The following FREM2 variants were observed in gnomAD, a reference collection of about 807,000 sequenced individuals.
FREM2 encodes the protein FRAS1-related extracellular matrix protein 2.
In FREM2, 119 loss-of-function variants were observed where a neutral mutation model predicts 219.9. The ratio of observed to expected loss-of-function variants is 0.54; its 90% CI spans 0.47 to 0.63. The LOEUF (loss-of-function observed/expected upper bound fraction) is 0.63, where lower values mean the gene tolerates loss of function less well. Among genes scored for constraint, FREM2 ranks in the 30% least tolerant of loss-of-function variants. The pLI is 0.00. For synonymous variants in FREM2, 1,562 were observed against 1,522.8 expected (o/e 1.03, Z -0.60); for missense variants, 4,030 against 3,993.6 (o/e 1.01, Z -0.25).
At chr13:38,753,271 CAT>C (rs1872852148) in intron 2 of FREM2, among the ~76,000 whole-genome samples, 1 of 152,112 alleles carries the variant, frequency 6.6e-6, no homozygotes, top group Non-Finnish European at 1.5e-5. Context: ...TATGTATACA[CAT>C]ATAATTATAC....
chr13:38,739,746 C>T (rs557891793), intron 2 of FREM2, among the ~76,000 whole-genome samples: 10 of 152,308 alleles, frequency 6.6e-5, no homozygotes, highest in African/African-American at 2.2e-4. Flanking sequence ...AGAGATTCTA[C>T]ACGGTGGTTC....
chr13:38,710,485 A>G (rs561486837), intron 2 of FREM2, among the ~76,000 whole-genome samples: 7 of 152,290 alleles, frequency 4.6e-5, no homozygotes, highest in South Asian at 4.1e-4. Flanking sequence ...ACTTTCTGCT[A>G]ATCTGTTAAT....
chr13:38,779,225 C>CG (rs377217584), intron 4 of FREM2, among the ~76,000 whole-genome samples: 27 of 147,202 alleles, frequency 1.8e-4, no homozygotes, highest in African/African-American at 4.8e-4. Flanking sequence ...TGGGGCTTGT[C>CG]GGGGGGTGGA....
At chr13:38,835,360 A>G (rs1448175261) in intron 6 of FREM2, among the ~76,000 whole-genome samples, 2 of 152,164 alleles carry the variant, frequency 1.3e-5, no homozygotes, top group Admixed American at 6.6e-5. Flanking sequence ...GGCTTGTAGT[A>G]TAATTTGAAG....
At chr13:38,808,700 A>T (rs980402890) in intron 6 of FREM2, among the ~76,000 whole-genome samples, 1 of 151,944 alleles carries the variant, frequency 6.6e-6, no homozygotes, top group Non-Finnish European at 1.5e-5. Context: ...GCACCCCAAA[A>T]TAATTACAAT....
At chr13:38,708,994 A>G (rs1292858882) in intron 2 of FREM2, among the ~76,000 whole-genome samples, 1 of 152,116 alleles carries the variant, frequency 6.6e-6, no homozygotes, top group Admixed American at 6.6e-5. Context: ...TCCTGACCTC[A>G]GGTGATCCAC....
At chr13:38,735,044 C>A (rs1452973514) in intron 2 of FREM2, among the ~76,000 whole-genome samples, 1 of 152,170 alleles carries the variant, frequency 6.6e-6, no homozygotes, top group Non-Finnish European at 1.5e-5. Flanking sequence ...CTGCGCCCAG[C>A]CAGTGCTATA....
At chr13:38,810,021 G>T (rs746479821) in intron 6 of FREM2, among the ~76,000 whole-genome samples, 1 of 151,700 alleles carries the variant, frequency 6.6e-6, no homozygotes, top group South Asian at 2.1e-4. Context: ...TTATGGTTTT[G>T]TTGTAGAGCT....
chr13:38,827,131 C>A (rs1265468073), intron 6 of FREM2, among the ~76,000 whole-genome samples: 1 of 152,014 alleles, frequency 6.6e-6, no homozygotes, highest in Admixed American at 6.6e-5. Context: ...TTTTACAGTA[C>A]AGATTTTGTA....
At chr13:38,848,856 C>T (rs1424555601) in intron 8 of FREM2, among the ~76,000 whole-genome samples, 186 bp downstream of exon 8, 2 of 152,012 alleles carry the variant, frequency 1.3e-5, no homozygotes. Flanking sequence ...GGCTGGAAGT[C>T]CAAATTTAAG....
At chr13:38,781,715 T>TTG (rs1374433141) in intron 4 of FREM2, among the ~76,000 whole-genome samples, 13 of 152,124 alleles carry the variant, frequency 8.5e-5, no homozygotes, top group African/African-American at 3.1e-4. Context: ...TGAAAATGAG[T>TTG]AATTTAAAAA....
intron 2 of FREM2, among the ~76,000 whole-genome samples, chr13:38,711,487 T>C (rs1019465625): frequency 6.6e-6 from 1 of 152,234 alleles, no homozygotes; most frequent in Non-Finnish European, 1.5e-5. Flanking sequence ...TTTTTTACCA[T>C]ATTGTTTAAA....
Position 38,744,638 on chromosome 13 carries a change from C to T in FREM2, c.5264-19666C>T, listed in dbSNP as rs190145297. 5.0e-3 allele frequency among the ~76,000 whole-genome samples: 767 copies of T among 152,152 alleles called. 12 individuals carry two copies. The highest frequency in any genetic ancestry group is 0.018 in the African/African-American group (734 of 41,512). ...TCCCGAGTAGCTGGGATTACAGGTG[C>T]CCACCACCACGCCTGGCTAAGTTTT... On this transcript the variant is annotated intron_variant, in intron 2 of 23. Transcript: ENST00000280481.
intron 3 of FREM2, among the ~76,000 whole-genome samples, chr13:38,768,414 C>G (rs1334207392): frequency 6.6e-6 from 1 of 152,076 alleles, no homozygotes; most frequent in Admixed American, 6.6e-5. Flanking sequence ...GTAGCAAGGA[C>G]TACAGGCATG....
chr13:38,842,744 C>T (rs1229491746), intron 6 of FREM2, among the ~76,000 whole-genome samples: 1 of 152,170 alleles, frequency 6.6e-6, no homozygotes, highest in Non-Finnish European at 1.5e-5. Flanking sequence ...TTGTAAACAT[C>T]CATCTAGACA....
rs1055537489 is a variant in FREM2, at chr13:38,687,957, C to G, written c.613C>G (p.Leu205Val). The change falls in exon 1 of 24, where the codon CTG becomes GTG. Residue 205 changes from leucine to valine, a missense_variant. Leu to Val is a conservative substitution (Grantham distance 32, BLOSUM62 1). Coordinates refer to ENST00000280481, the MANE Select transcript of FREM2 (RefSeq NM_207361.6). Reference protein sequence around the residue: ...GTSNALDARSLEFAFQPETEE... With the variant: ...GTSNALDARSVEFAFQPETEE... ...CAGCAATGCCCTGGACGCGCGGAGCCTGGAGTTCGCCTTCCAGCCCGAGAC... is the reference window on the plus strand; with the variant it reads ...CAGCAATGCCCTGGACGCGCGGAGCGTGGAGTTCGCCTTCCAGCCCGAGAC... 7.5e-6 allele frequency: 12 copies of G among 1,610,562 alleles called. No individual in the cohort carries two copies. The highest frequency in any genetic ancestry group is 3.4e-5 in the Admixed American group (2 of 59,688).
At chr13:38,850,690 C>G (rs1327408381) in intron 9 of FREM2, among the ~76,000 whole-genome samples, 1 of 152,190 alleles carries the variant, frequency 6.6e-6, no homozygotes, top group African/African-American at 2.4e-5. Flanking sequence ...CCCTTGTTTT[C>G]TAAGATGAGT....
At chr13:38,830,241 A>G (rs1876455263) in intron 6 of FREM2, among the ~76,000 whole-genome samples, 1 of 152,186 alleles carries the variant, frequency 6.6e-6, no homozygotes, top group Non-Finnish European at 1.5e-5. Flanking sequence ...AATGAATGAC[A>G]ACACAAATAT....
chr13:38,732,552 AG>A (rs1456350960), intron 2 of FREM2, among the ~76,000 whole-genome samples: 1 of 152,212 alleles, frequency 6.6e-6, no homozygotes, highest in Non-Finnish European at 1.5e-5. Flanking sequence ...AGCAAGATGT[AG>A]CCCCTATGAA....
Sources: allele counts gnomAD v4.1 joint callset (sites outside exome capture counted in the v4.1 genomes callset), GRCh38; gene constraint gnomAD v4.1.1; transcripts MANE v1.5; gene names NCBI Gene and HGNC (gene_info 2026-07-23, HGNC 2026-07-21).